NDOR1: variants seen among roughly 807,000 people sequenced by gnomAD.
NDOR1 encodes the protein NADPH-dependent diflavin oxidoreductase 1.
NDOR1 carries 61 observed loss-of-function variants against 67.2 expected under a neutral mutation model. The observed-to-expected ratio is 0.91, with a 90% CI of 0.74 to 1.12. The LOEUF is 1.12. Among genes scored for constraint, NDOR1 ranks in the 50% most tolerant of loss-of-function variants. The pLI is 0.00. For missense variants in NDOR1, 878 were observed against 802.8 expected (o/e 1.09, Z -1.13); for synonymous variants, 378 against 343.7 (o/e 1.10, Z -1.10).
At position 137,214,057 on chromosome 9, in the gene NDOR1, TCCCGGAGTCCCGTGAGTGTGGGC is replaced by T; in HGVS notation, c.507_512+17del. Reference sequence around the variant, plus strand: ...CGCCTCCGGGCCTCACTGAGATCCCTCCCGGAGTCCCGTGAGTGTGGGCCCCGGGTCACCCACAGGCGCAGCAG... The same window carrying T: ...CGCCTCCGGGCCTCACTGAGATCCCTCCCGGGTCACCCACAGGCGCAGCAG... On this transcript the variant is annotated splice_donor_variant and splice_donor_5th_base_variant and coding_sequence_variant and intron_variant, in exon 5 of 14. Coordinates refer to ENST00000684003, the MANE Select transcript of NDOR1 (RefSeq NM_014434.4). LOFTEE classifies it high-confidence loss of function. 6.5e-7 allele frequency: 1 copy of T among 1,540,608 alleles called. No individual in the cohort carries two copies. Among genetic ancestry groups the T allele is most frequent in the Non-Finnish European group, 8.7e-7 (1 of 1,146,676 alleles).
rs374444167 is a variant in NDOR1 at position 137,214,366 on chromosome 9, C to A, written c.675C>A (p.Phe225Leu). 2.5e-6 allele frequency: 4 copies of A among 1,614,186 alleles called. No homozygotes were observed. Among genetic ancestry groups the A allele is most frequent in the East Asian group, 2.2e-5 (1 of 44,878 alleles). Residue 225 changes from phenylalanine to leucine, a missense_variant, in exon 6 of 14, where the codon TTC becomes TTA. By Grantham distance (22) the Phe-to-Leu change is conservative. Transcript: ENST00000684003. ...SNQRVTGPSHFQDVRLIEFDI... is the reference protein window; with the variant it reads ...SNQRVTGPSHLQDVRLIEFDI... ...AGAGAGTCACCGGCCCCTCCCACTT[C>A]CAGGACGTTCGGCTGATTGAGTTTG...
chr9:137,214,194 C>T lies in NDOR1; in HGVS notation c.513-10C>T. Reference sequence around the variant, plus strand: ...GTGGGTCCTGGTCTGACCAGCGTGCCCTCCCACAGCCTGCCCTCCAAGTTC... The same window carrying T: ...GTGGGTCCTGGTCTGACCAGCGTGCTCTCCCACAGCCTGCCCTCCAAGTTC... On this transcript the variant is annotated splice_polypyrimidine_tract_variant and intron_variant, in intron 5 of 13. Coordinates refer to ENST00000684003, the MANE Select transcript of NDOR1 (RefSeq NM_014434.4). 1 of 1,607,008 alleles carries T rather than the reference C, an allele frequency of 6.2e-7. No individual in the cohort carries two copies. The highest frequency in any genetic ancestry group is 8.5e-7 in the Non-Finnish European group (1 of 1,178,190).
chr9:137,217,156 CCTGGGTG>C lies in NDOR1; in HGVS notation c.*752_*758del, dbSNP rs1024033490. On this transcript the variant is annotated 3_prime_UTR_variant, in exon 14 of 14. Transcript: ENST00000684003. ...GGCGTCCTCTAGCTCCTCCCGGTGC[CCTGGGTG>C]CTGGGTGCTGGATGGGTGGGCGCCA... 5.3e-5 allele frequency: 10 copies of C among 188,222 alleles called. No individual in the cohort carries two copies. Among genetic ancestry groups the C allele is most frequent in the East Asian group, 1.8e-4 (1 of 5,534 alleles). 11.7% of individuals were successfully genotyped at this position (188,222 alleles called of 1,614,324 possible).
intron 2 of NDOR1, among the ~76,000 whole-genome samples, chr9:137,209,818 G>A (rs111867947): frequency 5.5e-4 from 84 of 152,360 alleles, no homozygotes; most frequent in African/African-American, 1.9e-3. Flanking sequence ...GGCGCTGGGC[G>A]CGCTGGCCCA....
chr9:137,207,272 G>A (rs915813223), intron 2 of NDOR1, among the ~76,000 whole-genome samples: 3 of 151,916 alleles, frequency 2.0e-5, no homozygotes, highest in Non-Finnish European at 2.9e-5. Flanking sequence ...CATTGCAGTG[G>A]TGTCAGGAAG....
chr9:137,218,724 C>T lies in NDOR1; in HGVS notation c.*2308C>T, dbSNP rs1378278014. ...GAAAAACCCAAGGTTGGGTCCAGGG[C>T]AGTGGCCTTCAATCAAGACCTCCCA... is the stretch of plus-strand genomic sequence containing the variant. On this transcript the variant is annotated 3_prime_UTR_variant, in exon 14 of 14. Coordinates refer to ENST00000684003, the MANE Select transcript of NDOR1 (RefSeq NM_014434.4). 5.0e-6 allele frequency: 2 copies of T among 397,440 alleles called. No individual in the cohort carries two copies. The highest frequency in any genetic ancestry group is 8.8e-5 in the Admixed American group (2 of 22,702). 24.6% of individuals were successfully genotyped at this position (397,440 alleles called of 1,614,324 possible).
intron 2 of NDOR1, among the ~76,000 whole-genome samples, chr9:137,210,414 G>A (rs1022137961): frequency 6.9e-6 from 1 of 144,420 alleles, no homozygotes; most frequent in Non-Finnish European, 1.5e-5. Flanking sequence ...TGTATTTTTT[G>A]TAGAGATGGG....
chr9:137,215,546 G>A (rs772814899), intron 10 of NDOR1, 25 bp downstream of exon 10: 1 of 1,611,802 alleles, frequency 6.2e-7, no homozygotes, highest in Admixed American at 1.7e-5. Flanking sequence ...CAGGGTGGGG[G>A]CCGTGGGCCC....
At chr9:137,207,878 C>T (rs1360165432) in intron 2 of NDOR1, among the ~76,000 whole-genome samples, 1 of 152,164 alleles carries the variant, frequency 6.6e-6, no homozygotes, top group South Asian at 2.1e-4. Context: ...GCTGCGGTGG[C>T]TCACGCCTGT....
In NDOR1 at chr9:137,218,497, G is replaced by A. The variant is rs1012153638; in HGVS notation, c.*2081G>A. On this transcript the variant is annotated 3_prime_UTR_variant, in exon 14 of 14. Coordinates refer to ENST00000684003, the MANE Select transcript of NDOR1 (RefSeq NM_014434.4). ...GGGGACCCTGTGCCCGCCGCCTGGC[G>A]CTGCTGAGCCTGCTGGCCCTTGAGC... The A allele has an allele frequency of 3.5e-5, 14 of 398,364 alleles. No homozygotes were observed. The highest frequency in any genetic ancestry group is 2.3e-4 in the African/African-American group (11 of 47,460). 24.7% of individuals were successfully genotyped at this position (398,364 alleles called of 1,614,324 possible). A position where few individuals can be genotyped will look rare whatever the true frequency, so the allele number is the denominator to read the frequency against.
Position 137,216,869 on chromosome 9 carries a change from C to T in NDOR1, c.*453C>T, listed in dbSNP as rs1835633586. On this transcript the variant is annotated 3_prime_UTR_variant, in exon 14 of 14. Transcript: ENST00000684003. Reference sequence around the variant, plus strand: ...ACATTCCAGTCACTGCCCCCGCACTCCCACAGGGCTCAGGCTGGGCTCAGA... The same window carrying T: ...ACATTCCAGTCACTGCCCCCGCACTTCCACAGGGCTCAGGCTGGGCTCAGA... 4.8e-6 allele frequency: 1 copy of T among 208,424 alleles called. No individual in the cohort carries two copies. Among genetic ancestry groups the T allele is most frequent in the East Asian group, 1.5e-4 (1 of 6,812 alleles). The allele number at this position is 208,424 out of a possible 1,614,324, so 12.9% of individuals were successfully genotyped here.
At position 137,218,115 on chromosome 9, in the gene NDOR1, G is replaced by A. The variant is rs771092363; in HGVS notation, c.*1699G>A. On this transcript the variant is annotated 3_prime_UTR_variant, in exon 14 of 14. Transcript: ENST00000684003. The stretch of plus-strand genomic sequence containing the variant: ...GAGCCCTACGGGCCCAGAGAGCGCC[G>A]CCTGGCCCTGCTGAACTGTAGCCAC... 4.5e-5 allele frequency: 18 copies of A among 398,676 alleles called. No homozygotes were observed. The highest frequency in any genetic ancestry group is 6.2e-5 in the African/African-American group (3 of 48,644). 24.7% of individuals were successfully genotyped at this position (398,676 alleles called of 1,614,324 possible).
In NDOR1 at chr9:137,217,238, T is replaced by C. The variant is rs1835657514; in HGVS notation, c.*822T>C. Among the ~76,000 whole-genome samples, 1 of 152,172 alleles carries C rather than the reference T, an allele frequency of 6.6e-6. No individual in the cohort carries two copies. The highest frequency in any genetic ancestry group is 1.5e-5 in the Non-Finnish European group (1 of 68,030). The stretch of plus-strand genomic sequence containing the variant: ...GTGCCCGAGTGGCCTCTGCAGCTCT[T>C]ATGTCTGCCTCTAATGGGATGTGCG... On this transcript the variant is annotated 3_prime_UTR_variant, in exon 14 of 14. Coordinates refer to ENST00000684003, the MANE Select transcript of NDOR1 (RefSeq NM_014434.4).
chr9:137,218,962 T>G lies in NDOR1; in HGVS notation c.*2546T>G. ...GGCCACGGGCTGACGCCGGCCACAC[T>G]TCCCCTCCGAGGGCCAGCTGAGCAC... On this transcript the variant is annotated 3_prime_UTR_variant, in exon 14 of 14. Transcript: ENST00000684003. 1.7e-5 allele frequency: 4 copies of G among 233,478 alleles called. No individual in the cohort carries two copies. Among genetic ancestry groups the G allele is most frequent in the Non-Finnish European group, 8.3e-6 (1 of 120,986 alleles). 14.5% of individuals were successfully genotyped at this position (233,478 alleles called of 1,614,324 possible). A position where few individuals can be genotyped will look rare whatever the true frequency, so the allele number is the denominator to read the frequency against.
chr9:137,211,632 G>A (rs1028056680), intron 2 of NDOR1, among the ~76,000 whole-genome samples: 1 of 152,182 alleles, frequency 6.6e-6, no homozygotes, highest in Non-Finnish European at 1.5e-5. Context: ...GGAGGGTCTC[G>A]GGGGCAAGAG....
rs759433841 is a variant in NDOR1 at position 137,212,458 on chromosome 9, C to T, written c.214-44C>T. Reference sequence around the variant, plus strand: ...CCCTCACCCCCTGCTGTGGGGCTAGCCTAGAGGTCGAGGACTCTGACTCAG... The same window carrying T: ...CCCTCACCCCCTGCTGTGGGGCTAGTCTAGAGGTCGAGGACTCTGACTCAG... On this transcript the variant is annotated intron_variant, in intron 2 of 13. Coordinates refer to ENST00000684003, the MANE Select transcript of NDOR1 (RefSeq NM_014434.4). This position sits in a 1 kb window ranked among gnomAD's most constrained non-coding sequence, Gnocchi z 4.3. 9 of 1,564,822 alleles carry T rather than the reference C, an allele frequency of 5.8e-6. No homozygotes were observed. Among genetic ancestry groups the T allele is most frequent in the Non-Finnish European group, 7.9e-6 (9 of 1,135,278 alleles).
chr9:137,211,266 A>AT (rs1564395005), intron 2 of NDOR1, among the ~76,000 whole-genome samples: 1 of 152,236 alleles, frequency 6.6e-6, no homozygotes, highest in Non-Finnish European at 1.5e-5. Context: ...GGTGGAGAGG[A>AT]AGTTATCCAG....
intron 2 of NDOR1, among the ~76,000 whole-genome samples, chr9:137,208,710 G>A (rs1471706738): frequency 6.6e-6 from 1 of 151,794 alleles, no homozygotes; most frequent in East Asian, 2.0e-4. Context: ...TGTGATCACA[G>A]TTACTCCAGA....
intron 2 of NDOR1, among the ~76,000 whole-genome samples, chr9:137,208,536 GT>G (rs1414303105): frequency 1.3e-5 from 2 of 150,758 alleles, no homozygotes; most frequent in African/African-American, 4.9e-5. Context: ...AAAAGAAGGA[GT>G]TTTTTATGAG....
Sources: allele counts gnomAD v4.1 joint callset (sites outside exome capture counted in the v4.1 genomes callset), GRCh38; gene constraint gnomAD v4.1.1; non-coding constraint Gnocchi (gnomAD v3.1); transcripts MANE v1.5; gene names NCBI Gene and HGNC (gene_info 2026-07-23, HGNC 2026-07-21).